Variants in FBXO36 observed in about 807,000 individuals in gnomAD.
FBXO36 encodes F-box only protein 36.
Under a neutral mutation model 17.0 loss-of-function variants are expected in FBXO36, and 18 were observed. The ratio of observed to expected loss-of-function variants is 1.06; its 90% CI spans 0.73 to 1.57. FBXO36 has a LOEUF of 1.57. FBXO36 is among the 40% of genes most tolerant of loss of function. The probability of loss-of-function intolerance (pLI) is 0.00; values close to 1 mark genes in which losing one functional copy is unlikely to be tolerated. For missense variants in FBXO36, 229 were observed against 221.9 expected, an observed-to-expected ratio of 1.03 and a Z score of -0.20; for synonymous variants, 83 against 85.3, an observed-to-expected ratio of 0.97 and a Z score of 0.15.
At chr2:229,942,419 A>G (rs906955448) in intron 1 of FBXO36, among the ~76,000 whole-genome samples, 2 of 152,102 alleles carry the variant, frequency 1.3e-5, no homozygotes, top group African/African-American at 4.8e-5. Flanking sequence ...CTGCATAAAA[A>G]TGCTGGTTAG....
chr2:229,983,687 T>G (rs1422476765), intron 2 of FBXO36, among the ~76,000 whole-genome samples: 2 of 152,228 alleles, frequency 1.3e-5, no homozygotes, highest in African/African-American at 2.4e-5. Context: ...TATACAGAAC[T>G]GTTAGCATGT....
intron 1 of FBXO36, among the ~76,000 whole-genome samples, chr2:229,967,619 G>A (rs902223505): frequency 1.3e-5 from 2 of 152,260 alleles, no homozygotes; most frequent in South Asian, 4.1e-4. Flanking sequence ...GGCCTTTTCT[G>A]CATCTATTGA....
intron 2 of FBXO36, among the ~76,000 whole-genome samples, chr2:229,996,242 CACTCCAGCCTGGGCG>C (rs2077326563): frequency 1.3e-5 from 2 of 151,588 alleles, no homozygotes; most frequent in Non-Finnish European, 2.9e-5. Flanking sequence ...TGCACCACTG[CACTCCAGCCTGGGCG>C]ACCCCATCTA....
chr2:229,953,153 C>T (rs2077065889), intron 1 of FBXO36, among the ~76,000 whole-genome samples: 1 of 151,596 alleles, frequency 6.6e-6, no homozygotes, highest in African/African-American at 2.4e-5. Context: ...GCCTGGCCAA[C>T]ACGGCAAAAC....
chr2:229,938,902 G>A (rs561795270), intron 1 of FBXO36, among the ~76,000 whole-genome samples: 9 of 148,142 alleles, frequency 6.1e-5, no homozygotes, highest in Non-Finnish European at 1.3e-4. Flanking sequence ...TGGGATTACA[G>A]GCACCCGCCA....
chr2:229,942,131 G>A (rs2077002779), intron 1 of FBXO36, among the ~76,000 whole-genome samples: 1 of 152,174 alleles, frequency 6.6e-6, no homozygotes, highest in Non-Finnish European at 1.5e-5. Flanking sequence ...GGACTTTTAG[G>A]AGGTTTCTTT....
chr2:229,995,575 TTTC>T (rs2077321240), intron 2 of FBXO36, among the ~76,000 whole-genome samples: 1 of 146,508 alleles, frequency 6.8e-6, no homozygotes, highest in Non-Finnish European at 1.5e-5. Context: ...TCTTTCTTTC[TTTC>T]TTTCTCTTTC....
At chr2:229,954,233 G>A (rs1254306062) in intron 1 of FBXO36, among the ~76,000 whole-genome samples, 1 of 33,122 alleles carries the variant, frequency 3.0e-5, no homozygotes, top group Non-Finnish European at 6.9e-5. Flanking sequence ...AAACCCTTTG[G>A]ATTTTTTTTT....
chr2:230,004,446 T>C (rs560329814), intron 3 of FBXO36, among the ~76,000 whole-genome samples: 1 of 152,238 alleles, frequency 6.6e-6, no homozygotes, highest in Non-Finnish European at 1.5e-5. Context: ...TTAAAAATTA[T>C]GTATCCTTGT....
At chr2:229,923,905 TG>T (rs2154386757) in intron 1 of FBXO36, among the ~76,000 whole-genome samples, 1 of 135,022 alleles carries the variant, frequency 7.4e-6, no homozygotes, top group African/African-American at 2.8e-5. Flanking sequence ...CAGGCTGGAG[TG>T]CAGTGGCGCG....
chr2:229,931,700 G>A (rs1344638301), intron 1 of FBXO36, among the ~76,000 whole-genome samples: 2 of 151,760 alleles, frequency 1.3e-5, no homozygotes, highest in African/African-American at 2.4e-5. Flanking sequence ...TGAGCTGGGT[G>A]TGGTAGTGCA....
At chr2:229,990,386 A>G (rs951396041) in intron 2 of FBXO36, among the ~76,000 whole-genome samples, 6 of 151,732 alleles carry the variant, frequency 4.0e-5, no homozygotes, top group Admixed American at 3.9e-4. Flanking sequence ...TAACTTCTGT[A>G]TATCAGGTTA....
intron 3 of FBXO36, among the ~76,000 whole-genome samples, chr2:230,010,401 G>A (rs1035220229): frequency 6.6e-6 from 1 of 152,240 alleles, no homozygotes; most frequent in African/African-American, 2.4e-5. Context: ...TGAAGGTGGA[G>A]AATAACACAT....
chr2:229,960,500 G>A (rs1377829322), intron 1 of FBXO36, among the ~76,000 whole-genome samples: 1 of 151,454 alleles, frequency 6.6e-6, no homozygotes, highest in Non-Finnish European at 1.5e-5. Flanking sequence ...GCGGGGGGGC[G>A]GTGGTGTTGG....
At chr2:229,976,031 C>T (rs1278302373) in intron 1 of FBXO36, among the ~76,000 whole-genome samples, 1 of 152,120 alleles carries the variant, frequency 6.6e-6, no homozygotes, top group East Asian at 1.9e-4. Context: ...TTAAAAGTTC[C>T]TTCTAGCACT....
intron 1 of FBXO36, among the ~76,000 whole-genome samples, chr2:229,948,258 GTGT>G (rs2077037812): frequency 6.6e-6 from 1 of 151,774 alleles, no homozygotes; most frequent in African/African-American, 2.4e-5. Flanking sequence ...ATTGATATTG[GTGT>G]TCTAATCTAC....
intron 1 of FBXO36, among the ~76,000 whole-genome samples, chr2:229,945,820 T>TA: frequency 6.7e-6 from 1 of 149,996 alleles, no homozygotes; most frequent in Non-Finnish European, 1.5e-5. Flanking sequence ...TTCAGGAGTT[T>TA]GAGACCAGCC....
chr2:229,988,838 T>G lies in FBXO36; in HGVS notation c.206-7913T>G, dbSNP rs561756103. 1.2e-3 allele frequency among the ~76,000 whole-genome samples: 184 copies of G among 149,562 alleles called. 1 individual carries two copies. The East Asian group carries it at 0.024, about 19-fold the overall frequency. Reference sequence around the variant, plus strand: ...CCACCATGCTGGCCTGTTTTTTTTTTTTTTTGTTTTTTTTTTTTTACCGCA... The same window carrying G: ...CCACCATGCTGGCCTGTTTTTTTTTGTTTTTGTTTTTTTTTTTTTACCGCA... On this transcript the variant is annotated intron_variant, in intron 2 of 3. Coordinates refer to ENST00000283946, the MANE Select transcript of FBXO36 (RefSeq NM_174899.5).
At chr2:229,963,041 T>C (rs1003689853) in intron 1 of FBXO36, among the ~76,000 whole-genome samples, 7 of 151,584 alleles carry the variant, frequency 4.6e-5, no homozygotes, top group Non-Finnish European at 7.4e-5. Context: ...TCAAAGTTCA[T>C]TCATTCAGTC....
Sources: gnomAD v4.1 joint callset for allele counts (sites outside exome capture counted in the v4.1 genomes callset) on GRCh38, gnomAD v4.1.1 for gene constraint, MANE v1.5 for transcripts, NCBI Gene and HGNC (gene_info 2026-07-23, HGNC 2026-07-21) for gene names.